The following XYLT1 variants were observed in gnomAD, a reference collection of about 807,000 sequenced individuals.
The protein encoded by XYLT1 is beta-D-xylosyltransferase 1.
A neutral mutation model predicts 91.3 loss-of-function variants in XYLT1; 36 were observed. The observed-to-expected ratio is 0.39, with a 90% CI of 0.30 to 0.52. The LOEUF is 0.52. XYLT1 is among the 20% of genes least tolerant of loss of function. The pLI, the probability that XYLT1 is intolerant of heterozygous loss-of-function variation, is 0.68. For missense variants in XYLT1, 1,242 were observed against 1,284.5 expected (o/e 0.97, Z 0.51); for synonymous variants, 588 against 532.0 (o/e 1.11, Z -1.45).
intron 2 of XYLT1, among the ~76,000 whole-genome samples, chr16:17,300,591 G>C (rs1163701207): frequency 6.9e-6 from 1 of 145,494 alleles, no homozygotes; most frequent in Admixed American, 6.7e-5. Context: ...CGAGTGGCTG[G>C]GGTTACAGGC....
At chr16:17,256,648 C>CTA (rs2033636357) in intron 3 of XYLT1, among the ~76,000 whole-genome samples, 1 of 125,364 alleles carries the variant, frequency 8.0e-6, no homozygotes, top group African/African-American at 3.6e-5. Context: ...GACTCCGTCT[C>CTA]GAAAAAAAAA....
intron 2 of XYLT1, among the ~76,000 whole-genome samples, chr16:17,321,752 A>G (rs1262252476): frequency 6.6e-6 from 1 of 152,110 alleles, no homozygotes; most frequent in African/African-American, 2.4e-5. Context: ...TTGTGGTTCC[A>G]GGGATGGGGT....
intron 10 of XYLT1, among the ~76,000 whole-genome samples, chr16:17,124,231 A>G (rs567920859): frequency 6.6e-6 from 1 of 152,332 alleles, no homozygotes; most frequent in Admixed American, 6.5e-5. Context: ...TGTGAGATTT[A>G]TGCTTTAAAG....
chr16:17,261,743 C>T (rs872076), intron 2 of XYLT1, among the ~76,000 whole-genome samples: 100,505 of 151,990 alleles, frequency 0.66, 35,506 homozygotes, highest in African/African-American at 0.91. Context: ...CACGTGGAGT[C>T]TGAGGCTGCA....
At position 17,117,624 on chromosome 16, in the gene XYLT1, C is replaced by A. The variant is rs1368923118; in HGVS notation, c.2557+22G>T. On this transcript the variant is annotated intron_variant, in intron 11 of 11. Transcript: ENST00000261381. ...CCCCAGGGAAGGAGTATTTCTCCCA[C>A]ATAGACACTGGGAGTACTTACCAGG... The A allele has an allele frequency of 2.5e-6, 4 of 1,597,926 alleles. No individual in the cohort carries two copies. In the African/African-American group the frequency reaches 5.4e-5, roughly 21 times the overall value.
intron 1 of XYLT1, among the ~76,000 whole-genome samples, chr16:17,458,804 G>A (rs1034265443): frequency 1.3e-5 from 2 of 152,048 alleles, no homozygotes; most frequent in Non-Finnish European, 2.9e-5. Context: ...CATGTTAAAC[G>A]AGAAGAGTGT....
At chr16:17,460,604 C>T (rs1265248121) in intron 1 of XYLT1, among the ~76,000 whole-genome samples, 3 of 152,146 alleles carry the variant, frequency 2.0e-5, no homozygotes, top group East Asian at 1.9e-4. Context: ...AGGGGCCAGC[C>T]AGGTGCCACA....
intron 2 of XYLT1, among the ~76,000 whole-genome samples, chr16:17,334,900 A>C (rs996999542): frequency 6.6e-6 from 1 of 151,234 alleles, no homozygotes; most frequent in Admixed American, 6.6e-5. Flanking sequence ...AAAAACAAAA[A>C]AAAGATCAAC....
chr16:17,285,874 CTGTGTGTGTGTGTG>C (rs56267931), intron 2 of XYLT1, among the ~76,000 whole-genome samples: 17,617 of 145,196 alleles, frequency 0.12, 1,110 homozygotes, highest in African/African-American at 0.13. Context: ...TGGTGTATCT[CTGTGTGTGTGTGTG>C]TGTGTGTGTG....
chr16:17,431,694 A>G (rs1304393034), intron 1 of XYLT1, among the ~76,000 whole-genome samples: 1 of 152,364 alleles, frequency 6.6e-6, no homozygotes, highest in East Asian at 1.9e-4. Context: ...ACGGACATAT[A>G]GCGATCAATG....
chr16:17,168,587 A>T (rs994651055), intron 5 of XYLT1, among the ~76,000 whole-genome samples: 1 of 150,594 alleles, frequency 6.6e-6, no homozygotes, highest in African/African-American at 2.5e-5. Context: ...CTGAATCTAA[A>T]ATAAAAGGTG....
intron 11 of XYLT1, among the ~76,000 whole-genome samples, chr16:17,112,844 T>C (rs1966844832): frequency 6.6e-6 from 1 of 152,188 alleles, no homozygotes; most frequent in Non-Finnish European, 1.5e-5. Flanking sequence ...AGAGGATTGA[T>C]TGATTCTTTT....
intron 1 of XYLT1, among the ~76,000 whole-genome samples, chr16:17,433,704 G>A (rs1339728984): frequency 6.6e-6 from 1 of 152,198 alleles, no homozygotes; most frequent in Non-Finnish European, 1.5e-5. Context: ...TCTGAAGAAT[G>A]GAATTTGGGC....
At chr16:17,431,268 G>T (rs190502068) in intron 1 of XYLT1, among the ~76,000 whole-genome samples, 1 of 152,132 alleles carries the variant, frequency 6.6e-6, no homozygotes, top group South Asian at 2.1e-4. Context: ...GGCTTAGAGC[G>T]GCGCTTCTCA....
At chr16:17,169,699 C>A (rs958574271) in intron 5 of XYLT1, among the ~76,000 whole-genome samples, 1 of 152,086 alleles carries the variant, frequency 6.6e-6, no homozygotes, top group African/African-American at 2.4e-5. Flanking sequence ...CGTGTGTGTG[C>A]ACATATGTAT....
At chr16:17,244,307 G>A (rs749769204) in intron 3 of XYLT1, among the ~76,000 whole-genome samples, 2 of 152,060 alleles carry the variant, frequency 1.3e-5, no homozygotes, top group South Asian at 2.1e-4. Context: ...AAGTGTGGCC[G>A]GCAAGCACTG....
chr16:17,401,406 T>G (rs954137314), intron 1 of XYLT1, among the ~76,000 whole-genome samples: 3 of 152,192 alleles, frequency 2.0e-5, no homozygotes, highest in Admixed American at 1.3e-4. Context: ...ATTTAGCATT[T>G]GCAAGCTGAA....
At chr16:17,137,881 T>C (rs1327314724) in intron 8 of XYLT1, among the ~76,000 whole-genome samples, 1 of 152,162 alleles carries the variant, frequency 6.6e-6, no homozygotes, top group Admixed American at 6.5e-5. Context: ...ATCCTACCCA[T>C]GCATGGGACA....
intron 2 of XYLT1, among the ~76,000 whole-genome samples, chr16:17,286,869 A>G (rs755945495): frequency 2.0e-5 from 3 of 152,018 alleles, no homozygotes; most frequent in East Asian, 1.9e-4. Flanking sequence ...TTTCATTCCA[A>G]TTTTACAGAT....
Sources: gnomAD v4.1 joint callset for allele counts (sites outside exome capture counted in the v4.1 genomes callset) on GRCh38, gnomAD v4.1.1 for gene constraint, MANE v1.5 for transcripts, NCBI Gene and HGNC (gene_info 2026-07-23, HGNC 2026-07-21) for gene names.